The following GPC5 variants were observed in gnomAD, a reference collection of about 807,000 sequenced individuals.
GPC5 encodes the protein glypican-5.
In GPC5, 47 loss-of-function variants were observed where a neutral mutation model predicts 53.9. The observed-to-expected ratio is 0.87, with a 90% confidence interval of 0.69 to 1.11. The LOEUF (loss-of-function observed/expected upper bound fraction) is 1.11, where lower values mean the gene tolerates loss of function less well. Ranked by LOEUF, GPC5 falls within the 50% of genes most tolerant of loss-of-function variation. The pLI is 0.00. For synonymous variants in GPC5, 286 were observed against 263.3 expected (o/e 1.09, Z -0.84); for missense variants, 748 against 713.1 (o/e 1.05, Z -0.56).
intron 7 of GPC5, among the ~76,000 whole-genome samples, chr13:92,808,469 G>A (rs9556218): frequency 3.3e-5 from 5 of 151,778 alleles, no homozygotes; most frequent in African/African-American, 9.7e-5. Context: ...ATGATGGTGC[G>A]GGTGCTGGTG....
rs750449225 is a variant in GPC5, at chr13:92,298,720, G to A, written c.1561+153731G>A. On this transcript the variant is annotated intron_variant, in intron 7 of 7. Coordinates refer to ENST00000377067, the MANE Select transcript of GPC5 (RefSeq NM_004466.6). The stretch of plus-strand genomic sequence containing the variant: ...GAGCAATCTGCTTCCTTTAGGGGGT[G>A]TGTGGGTCGTCTCAGGTTTCCTGAT... Among the ~76,000 whole-genome samples, 8 of 152,224 alleles carry A rather than the reference G, an allele frequency of 5.3e-5. No individual in the cohort carries two copies. In the South Asian group the frequency reaches 1.7e-3, roughly 32 times the overall value.
chr13:91,645,061 T>C (rs921006953), intron 2 of GPC5, among the ~76,000 whole-genome samples: 8 of 152,232 alleles, frequency 5.3e-5, no homozygotes, highest in Non-Finnish European at 8.8e-5. Flanking sequence ...TGAGAAACTT[T>C]GCTTTCATTT....
intron 7 of GPC5, among the ~76,000 whole-genome samples, chr13:92,480,595 T>C (rs890788904): frequency 6.6e-6 from 1 of 152,202 alleles, no homozygotes; most frequent in Non-Finnish European, 1.5e-5. Context: ...TTCTCTCACA[T>C]TTCTAGTCTC....
At chr13:92,061,289 T>G (rs538954650) in intron 6 of GPC5, among the ~76,000 whole-genome samples, 2 of 152,154 alleles carry the variant, frequency 1.3e-5, no homozygotes, top group African/African-American at 4.8e-5. Flanking sequence ...AGCTAATTGG[T>G]TTTGCAGAGT....
chr13:91,595,895 G>C (rs2032977321), intron 2 of GPC5, among the ~76,000 whole-genome samples: 1 of 152,186 alleles, frequency 6.6e-6, no homozygotes, highest in Non-Finnish European at 1.5e-5. Context: ...TCCAGTGGTG[G>C]TGTTTTGGAC....
chr13:91,668,290 T>G (rs2035164337), intron 2 of GPC5, among the ~76,000 whole-genome samples: 1 of 152,208 alleles, frequency 6.6e-6, no homozygotes, highest in Admixed American at 6.5e-5. Context: ...TCCTTGCCTC[T>G]GGGACAGATG....
At chr13:92,053,669 G>A (rs1571065) in intron 6 of GPC5, among the ~76,000 whole-genome samples, 84,710 of 151,688 alleles carry the variant, frequency 0.56, 23,962 homozygotes, top group East Asian at 0.79. Flanking sequence ...ATTGCTATAC[G>A]TTAATGTATA....
chr13:91,559,147 C>T (rs2031120280), intron 2 of GPC5, among the ~76,000 whole-genome samples: 1 of 152,028 alleles, frequency 6.6e-6, no homozygotes, highest in African/African-American at 2.4e-5. Flanking sequence ...CAGTGTTGAG[C>T]TCTTTGTGTA....
At chr13:92,015,998 A>G (rs755195381) in intron 6 of GPC5, among the ~76,000 whole-genome samples, 1 of 152,232 alleles carries the variant, frequency 6.6e-6, no homozygotes, top group African/African-American at 2.4e-5. Flanking sequence ...GTGCAGGGAA[A>G]TAAGTGGAAA....
At chr13:91,449,160 TG>T (rs1441211755) in intron 2 of GPC5, among the ~76,000 whole-genome samples, 1 of 152,136 alleles carries the variant, frequency 6.6e-6, no homozygotes, top group Non-Finnish European at 1.5e-5. Context: ...AAATGATCGT[TG>T]GAAATATATA....
intron 5 of GPC5, among the ~76,000 whole-genome samples, chr13:91,781,880 T>A (rs1484191668): frequency 6.6e-6 from 1 of 152,224 alleles, no homozygotes; most frequent in East Asian, 1.9e-4. Flanking sequence ...GAAGGTTCCA[T>A]CAAAGAAACA....
At chr13:92,347,271 A>C (rs1407240270) in intron 7 of GPC5, among the ~76,000 whole-genome samples, 1 of 152,182 alleles carries the variant, frequency 6.6e-6, no homozygotes, top group Admixed American at 6.5e-5. Flanking sequence ...AAAATCAAAG[A>C]CAAAAAATTC....
intron 7 of GPC5, among the ~76,000 whole-genome samples, chr13:92,312,660 C>A (rs1404635126): frequency 1.3e-5 from 2 of 152,072 alleles, no homozygotes; most frequent in Admixed American, 6.6e-5. Flanking sequence ...ATAAAATTGT[C>A]ATTTGTTGAC....
At chr13:92,303,880 A>G (rs1186392448) in intron 7 of GPC5, among the ~76,000 whole-genome samples, 1 of 152,244 alleles carries the variant, frequency 6.6e-6, no homozygotes, top group Non-Finnish European at 1.5e-5. Context: ...GTTTTCCAGC[A>G]TAAGTTTATA....
intron 7 of GPC5, among the ~76,000 whole-genome samples, chr13:92,555,838 A>G (rs942913656): frequency 3.3e-5 from 5 of 150,956 alleles, no homozygotes; most frequent in African/African-American, 1.2e-4. Flanking sequence ...CAGGGGTTGC[A>G]TTCTTGATTT....
chr13:91,424,548 GT>G (rs1334892210), intron 1 of GPC5, among the ~76,000 whole-genome samples: 1 of 151,858 alleles, frequency 6.6e-6, no homozygotes, highest in African/African-American at 2.4e-5. Context: ...GTATTTTTAA[GT>G]AGAGACGGGG....
chr13:92,270,503 C>T (rs533779426), intron 7 of GPC5, among the ~76,000 whole-genome samples: 1 of 152,264 alleles, frequency 6.6e-6, no homozygotes, highest in African/African-American at 2.4e-5. Context: ...CCTCAGAAGT[C>T]AGGCAGATGA....
At chr13:91,818,256 G>C (rs1270056749) in intron 5 of GPC5, among the ~76,000 whole-genome samples, 2 of 152,160 alleles carry the variant, frequency 1.3e-5, no homozygotes, top group African/African-American at 4.8e-5. Flanking sequence ...TTGTTTACCA[G>C]AATGTCTGGC....
At chr13:91,729,492 T>C (rs1040235402) in intron 4 of GPC5, among the ~76,000 whole-genome samples, 1 of 152,210 alleles carries the variant, frequency 6.6e-6, no homozygotes, top group African/African-American at 2.4e-5. Context: ...TAATACTCTA[T>C]GAATAATTCA....
Sources: gnomAD v4.1 joint callset for allele counts (sites outside exome capture counted in the v4.1 genomes callset) on GRCh38, gnomAD v4.1.1 for gene constraint, MANE v1.5 for transcripts, NCBI Gene and HGNC (gene_info 2026-07-23, HGNC 2026-07-21) for gene names.